Variants in WDR47 observed in about 807,000 individuals in gnomAD.
WDR47 encodes the protein WD repeat-containing protein 47.
Under a neutral mutation model 97.2 loss-of-function variants are expected in WDR47, and 32 were observed. The observed-to-expected ratio is 0.33, with a 90% CI of 0.25 to 0.44. WDR47 has a LOEUF of 0.44. Ranked by LOEUF, WDR47 falls within the 20% of genes least tolerant of loss-of-function variation. The probability of loss-of-function intolerance (pLI) is 1.00; values close to 1 mark genes in which losing one functional copy is unlikely to be tolerated. For synonymous variants in WDR47, 375 were observed against 373.5 expected, an observed-to-expected ratio of 1.00 and a Z score of -0.05; for missense variants, 782 against 1,102.3, an observed-to-expected ratio of 0.71 and a Z score of 4.11.
intron 13 of WDR47, among the ~76,000 whole-genome samples, chr1:108,976,405 T>A (rs1342586770): frequency 6.6e-6 from 1 of 150,674 alleles, no homozygotes; most frequent in African/African-American, 2.4e-5. Context: ...GTGGGAAGAA[T>A]AACTGATTTA....
intron 14 of WDR47, among the ~76,000 whole-genome samples, chr1:108,973,036 T>A (rs935532751): frequency 6.6e-6 from 1 of 152,088 alleles, no homozygotes; most frequent in Non-Finnish European, 1.5e-5. Context: ...CCAGGCACAT[T>A]GGCTTCCTGT....
At chr1:109,009,000 G>A (rs1195400664) in intron 5 of WDR47, among the ~76,000 whole-genome samples, 3 of 152,002 alleles carry the variant, frequency 2.0e-5, no homozygotes, top group South Asian at 2.1e-4. Flanking sequence ...CAGGAGAATC[G>A]CTTGAACCCG....
At chr1:108,974,808 C>A in intron 13 of WDR47, 54 bp from the exon 14 acceptor site, 2 of 1,327,570 alleles carry the variant, frequency 1.5e-6, no homozygotes. Context: ...ACCCAAATGG[C>A]AACACAGCTG....
intron 8 of WDR47, chr1:108,992,887 T>C (rs565785307): frequency 1.6e-6 from 2 of 1,276,854 alleles, no homozygotes; most frequent in Admixed American, 1.8e-5. Flanking sequence ...AGTAAATCCA[T>C]AGAAAATAGA....
chr1:109,009,757 G>C (rs1660892731), intron 5 of WDR47, among the ~76,000 whole-genome samples: 3 of 152,074 alleles, frequency 2.0e-5, no homozygotes, highest in African/African-American at 7.2e-5. Flanking sequence ...TAGCACTTTG[G>C]GAGGCCGAGG....
Position 108,982,718 on chromosome 1 carries a change from G to A in WDR47, c.2157C>T (p.Gly719=), listed in dbSNP as rs1207335546. ...GTIRDLAFME[G]PESGGAILIS... is the part of the protein sequence containing the mutation. ...TTAAAATAGCTCCTCCGCTTTCTGG[G>A]CCTTCCATAAATGCCAAGTCTCTAA... Residue 719 remains glycine, a synonymous_variant, in exon 12 of 15, where the codon GGC becomes GGT. Transcript: ENST00000369962. 3 of 1,613,694 alleles carry A rather than the reference G, an allele frequency of 1.9e-6. No homozygotes were observed. Among genetic ancestry groups the A allele is most frequent in the African/African-American group, 2.7e-5 (2 of 74,850 alleles).
intron 2 of WDR47, among the ~76,000 whole-genome samples, chr1:109,021,758 C>T (rs1175777148): frequency 6.6e-6 from 1 of 151,946 alleles, no homozygotes; most frequent in African/African-American, 2.4e-5. Flanking sequence ...AACTCCTAAC[C>T]TTAAGTGATC....
At chr1:109,017,846 A>G (rs1661532627) in intron 2 of WDR47, among the ~76,000 whole-genome samples, 1 of 151,410 alleles carries the variant, frequency 6.6e-6, no homozygotes, top group Admixed American at 6.6e-5. Context: ...TCCTGTGTTC[A>G]AGCGATTCTC....
chr1:108,990,240 G>GA (rs1659218629), intron 9 of WDR47, among the ~76,000 whole-genome samples: 1 of 151,626 alleles, frequency 6.6e-6, no homozygotes, highest in African/African-American at 2.4e-5. Context: ...ACAGAGTCTT[G>GA]CTCTGTCCCC....
intron 14 of WDR47, among the ~76,000 whole-genome samples, chr1:108,972,587 C>A (rs939471661): frequency 6.6e-6 from 1 of 152,120 alleles, no homozygotes; most frequent in South Asian, 2.1e-4. Context: ...TATGGGAAAT[C>A]TCCGTATCTC....
At chr1:108,995,456 G>A in intron 8 of WDR47, 124 bp downstream of exon 8, 2 of 1,132,374 alleles carry the variant, frequency 1.8e-6, no homozygotes, top group Non-Finnish European at 2.5e-6. Context: ...GGCAGATTAG[G>A]AAAAAAAATT....
At chr1:108,987,827 T>C (rs1375808191) in intron 9 of WDR47, among the ~76,000 whole-genome samples, 2 of 152,236 alleles carry the variant, frequency 1.3e-5, no homozygotes, top group African/African-American at 2.4e-5. Flanking sequence ...GCAGTCTCCA[T>C]ATATTAAGTA....
At chr1:108,993,774 T>C (rs1041497296) in intron 8 of WDR47, among the ~76,000 whole-genome samples, 1 of 152,326 alleles carries the variant, frequency 6.6e-6, no homozygotes, top group East Asian at 1.9e-4. Context: ...AGAGAAGTTT[T>C]ATGATTTTAT....
intron 6 of WDR47, among the ~76,000 whole-genome samples, chr1:109,004,255 A>T (rs913277484): frequency 2.7e-5 from 4 of 147,670 alleles, no homozygotes; most frequent in African/African-American, 5.0e-5. Context: ...ACAGAACAAG[A>T]CTCCGTCTCA....
rs1052344969 is a variant in WDR47 at position 109,004,709 on chromosome 1, T to C, written c.1137A>G (p.Thr379=). The change falls in exon 6 of 15, where the codon ACA becomes ACG. Residue 379 remains threonine, a synonymous_variant. Transcript: ENST00000369962. ...SIYEESPERD[T]PVDAQRPIGS... is the part of the protein sequence containing the mutation. ...CGATAGGCCTCTGTGCATCAACAGG[T>C]GTATCACTTCTTCCAGAAACGTGCA... The C allele has an allele frequency of 4.4e-6, 7 of 1,593,918 alleles. No homozygotes were observed. Among genetic ancestry groups the C allele is most frequent in the Middle Eastern group, 3.3e-4 (2 of 5,972 alleles).
At position 109,009,009 on chromosome 1, in the gene WDR47, C is replaced by T. The variant is rs182743811; in HGVS notation, c.1130+1907G>A. ...CTGAGGCAGGAGAATCGCTTGAACC[C>T]GGGAGGCAGAGGTTGCAGTGAGCCG... On this transcript the variant is annotated intron_variant, in intron 5 of 14. Coordinates refer to ENST00000369962, the MANE Select transcript of WDR47 (RefSeq NM_001142551.2). Among the ~76,000 whole-genome samples, 4 of 151,660 alleles carry T rather than the reference C, an allele frequency of 2.6e-5. No individual in the cohort carries two copies. The East Asian group carries it at 5.9e-4, about 23-fold the overall frequency.
At chr1:109,020,748 G>T (rs1661773639) in intron 2 of WDR47, among the ~76,000 whole-genome samples, 1 of 151,968 alleles carries the variant, frequency 6.6e-6, no homozygotes, top group Non-Finnish European at 1.5e-5. Flanking sequence ...AGCTCCCTGG[G>T]GCTGGATGAT....
Position 109,011,677 on chromosome 1 carries a change from A to G in WDR47, c.369T>C (p.Ala123=). 1 of 1,613,544 alleles carries G rather than the reference A, an allele frequency of 6.2e-7. No individual in the cohort carries two copies. Among genetic ancestry groups the G allele is most frequent in the South Asian group, 1.1e-5 (1 of 91,044 alleles). The change falls in exon 5 of 15, where the codon GCT becomes GCC. Residue 123 remains alanine, a synonymous_variant. Transcript: ENST00000369962. ...CTTTAGAAGGACAGTATTCTTCTAGAGCATGTAAACATTGCACAGCTTCTT... is the reference window on the plus strand; with the variant it reads ...CTTTAGAAGGACAGTATTCTTCTAGGGCATGTAAACATTGCACAGCTTCTT... ...TMQEAVQCLH[A]LEEYCPSKDD...
intron 12 of WDR47, among the ~76,000 whole-genome samples, chr1:108,982,126 G>C (rs572680287): frequency 2.0e-5 from 3 of 152,088 alleles, no homozygotes; most frequent in Admixed American, 1.3e-4. Context: ...TTATTTACAG[G>C]GCAAGTGGTG....
Sources: allele counts gnomAD v4.1 joint callset (sites outside exome capture counted in the v4.1 genomes callset), GRCh38; gene constraint gnomAD v4.1.1; transcripts MANE v1.5; gene names NCBI Gene and HGNC (gene_info 2026-07-23, HGNC 2026-07-21).